MAML3: variants seen among roughly 807,000 people sequenced by gnomAD.
MAML3 encodes mastermind like transcriptional coactivator 3.
A neutral mutation model predicts 101.9 loss-of-function variants in MAML3; 27 were observed. The ratio of observed to expected loss-of-function variants is 0.27; its 90% CI spans 0.20 to 0.37. The LOEUF (loss-of-function observed/expected upper bound fraction) is 0.37, where lower values mean the gene tolerates loss of function less well. Among genes scored for constraint, MAML3 ranks in the 10% least tolerant of loss-of-function variants. The probability of loss-of-function intolerance (pLI) is 1.00; values close to 1 mark genes in which losing one functional copy is unlikely to be tolerated. For synonymous variants in MAML3, 501 were observed against 555.9 expected, an observed-to-expected ratio of 0.90 and a Z score of 1.39; for missense variants, 1,316 against 1,444.9, an observed-to-expected ratio of 0.91 and a Z score of 1.45.
intron 2 of MAML3, among the ~76,000 whole-genome samples, chr4:139,762,586 C>CA (rs1174329851): frequency 2.6e-5 from 4 of 151,846 alleles, no homozygotes. Flanking sequence ...CATCATAAAC[C>CA]AAAAAAGGAT....
At chr4:139,878,189 A>G (rs1445599960) in intron 2 of MAML3, among the ~76,000 whole-genome samples, 2 of 152,126 alleles carry the variant, frequency 1.3e-5, no homozygotes, top group East Asian at 3.9e-4. Flanking sequence ...CGCCAGCAGG[A>G]TGCCTTTCTA....
At chr4:139,951,132 CTCTT>C (rs1733824927) in intron 1 of MAML3, among the ~76,000 whole-genome samples, 1 of 152,244 alleles carries the variant, frequency 6.6e-6, no homozygotes, top group Non-Finnish European at 1.5e-5. Context: ...CTCTCCCTCC[CTCTT>C]TCTTTCTCCC....
intron 1 of MAML3, among the ~76,000 whole-genome samples, chr4:140,069,423 A>C (rs1009701783): frequency 9.5e-5 from 1 of 10,556 alleles, no homozygotes; most frequent in African/African-American, 4.9e-4. Flanking sequence ...GGAGGAGGGG[A>C]AGGAGGAGAA....
intron 1 of MAML3, among the ~76,000 whole-genome samples, chr4:140,057,641 GATC>G (rs1727371411): frequency 1.3e-5 from 2 of 152,196 alleles, no homozygotes; most frequent in South Asian, 2.1e-4. Context: ...TTTATTATGA[GATC>G]ATCGTTATGA....
intron 1 of MAML3, among the ~76,000 whole-genome samples, chr4:139,941,280 T>C (rs537881378): frequency 6.6e-6 from 1 of 152,372 alleles, no homozygotes; most frequent in Non-Finnish European, 1.5e-5. Context: ...CTTAGTTATA[T>C]GTGTTTAATC....
intron 1 of MAML3, among the ~76,000 whole-genome samples, chr4:140,047,334 G>A (rs1445589426): frequency 2.0e-5 from 3 of 152,180 alleles, no homozygotes. Flanking sequence ...TCAGGGCAGC[G>A]GAGGTGGGTG....
chr4:139,842,059 A>G (rs1420965859), intron 2 of MAML3, among the ~76,000 whole-genome samples: 2 of 152,202 alleles, frequency 1.3e-5, no homozygotes, highest in Non-Finnish European at 2.9e-5. Context: ...CACAGGATCA[A>G]TAAAAGGTCC....
At chr4:139,998,158 C>G (rs1734852609) in intron 1 of MAML3, among the ~76,000 whole-genome samples, 1 of 152,138 alleles carries the variant, frequency 6.6e-6, no homozygotes, top group African/African-American at 2.4e-5. Context: ...AATTGTTTCA[C>G]AAGTCTCTCA....
chr4:139,930,894 C>T (rs1286202086), intron 1 of MAML3, among the ~76,000 whole-genome samples: 1 of 151,704 alleles, frequency 6.6e-6, no homozygotes, highest in Admixed American at 6.6e-5. Context: ...TCCGTCATTG[C>T]TATAGGCATT....
At chr4:140,118,878 C>T (rs1418857811) in intron 1 of MAML3, among the ~76,000 whole-genome samples, 1 of 152,184 alleles carries the variant, frequency 6.6e-6, no homozygotes, top group African/African-American at 2.4e-5. Flanking sequence ...ACCTCCCCCA[C>T]ACAAGGCCTC....
intron 1 of MAML3, among the ~76,000 whole-genome samples, chr4:140,014,904 A>C (rs1454294604): frequency 6.6e-6 from 1 of 152,256 alleles, no homozygotes; most frequent in Non-Finnish European, 1.5e-5. Flanking sequence ...ATTTCATAAA[A>C]GTAGACATCC....
At chr4:140,074,627 T>C (rs1727736003) in intron 1 of MAML3, among the ~76,000 whole-genome samples, 1 of 152,204 alleles carries the variant, frequency 6.6e-6, no homozygotes, top group East Asian at 1.9e-4. Context: ...CTGTGCTGCT[T>C]AGTTACCCTG....
At chr4:139,847,243 C>A (rs1357182188) in intron 2 of MAML3, among the ~76,000 whole-genome samples, 2 of 152,012 alleles carry the variant, frequency 1.3e-5, no homozygotes, top group African/African-American at 2.4e-5. Context: ...ATATATGGTT[C>A]TTTTCTTCTG....
chr4:139,992,725 T>A (rs986586381), intron 1 of MAML3, among the ~76,000 whole-genome samples: 4 of 152,064 alleles, frequency 2.6e-5, no homozygotes, highest in Non-Finnish European at 5.9e-5. Flanking sequence ...GCCCAGCTAA[T>A]TTTTTGTATT....
At chr4:139,732,008 A>C (rs1728746574) in intron 2 of MAML3, among the ~76,000 whole-genome samples, 1 of 152,240 alleles carries the variant, frequency 6.6e-6, no homozygotes, top group South Asian at 2.1e-4. Flanking sequence ...AGTTTCAAGT[A>C]ATTAATGTGA....
At chr4:139,842,577 G>C (rs1731380018) in intron 2 of MAML3, among the ~76,000 whole-genome samples, 1 of 151,962 alleles carries the variant, frequency 6.6e-6, no homozygotes, top group Non-Finnish European at 1.5e-5. Context: ...GGAGTGCAGT[G>C]GTGCAATCTT....
chr4:139,795,783 A>G (rs1730501772), intron 2 of MAML3, among the ~76,000 whole-genome samples: 1 of 152,190 alleles, frequency 6.6e-6, no homozygotes, highest in South Asian at 2.1e-4. Context: ...ATGCGGTAGT[A>G]CCATATTGTT....
intron 2 of MAML3, among the ~76,000 whole-genome samples, chr4:139,812,791 C>A (rs1730827453): frequency 6.6e-6 from 1 of 152,098 alleles, no homozygotes; most frequent in African/African-American, 2.4e-5. Context: ...ACACAGGGCT[C>A]CAAGTTAGGC....
intron 2 of MAML3, among the ~76,000 whole-genome samples, chr4:139,783,112 C>T (rs185187642): frequency 2.0e-5 from 3 of 152,260 alleles, no homozygotes; most frequent in East Asian, 1.9e-4. Flanking sequence ...CATACAGCCT[C>T]GCTAAGTACA....
Sources: allele counts gnomAD v4.1 joint callset (sites outside exome capture counted in the v4.1 genomes callset), GRCh38; gene constraint gnomAD v4.1.1; transcripts MANE v1.5; gene names NCBI Gene and HGNC (gene_info 2026-07-23, HGNC 2026-07-21).